The following NCALD variants were observed in gnomAD, a reference collection of about 807,000 sequenced individuals.
The protein encoded by NCALD is neurocalcin delta, also known as neurocalcin-delta.
In NCALD, 10 loss-of-function variants were observed where a neutral mutation model predicts 18.6. That is an observed-to-expected ratio of 0.54 (90% CI 0.33 to 0.91). NCALD has a LOEUF of 0.91. NCALD is among the 40% of genes least tolerant of loss of function. NCALD has a pLI of 0.03. For missense variants in NCALD, 184 were observed against 247.6 expected (o/e 0.74, Z 1.72); for synonymous variants, 88 against 87.4 (o/e 1.01, Z -0.04).
chr8:101,717,586 T>A (rs1586290662), intron 2 of NCALD, among the ~76,000 whole-genome samples: 1 of 152,190 alleles, frequency 6.6e-6, no homozygotes, highest in East Asian at 1.9e-4. Flanking sequence ...CCCCAACTCA[T>A]CACTTTCTAA....
intron 1 of NCALD, among the ~76,000 whole-genome samples, chr8:102,074,793 G>A (rs1824288838): frequency 1.3e-5 from 2 of 152,154 alleles, no homozygotes; most frequent in South Asian, 4.1e-4. Flanking sequence ...TAAAATATAT[G>A]CAATAAACTA....
At chr8:101,913,012 G>T (rs1044017802) in intron 3 of NCALD, among the ~76,000 whole-genome samples, 3 of 152,144 alleles carry the variant, frequency 2.0e-5, no homozygotes, top group African/African-American at 7.2e-5. Flanking sequence ...ATAAAGTGGG[G>T]ACCTCAGTCC....
intron 1 of NCALD, among the ~76,000 whole-genome samples, chr8:102,073,256 G>A (rs1024500841): frequency 2.6e-5 from 4 of 152,098 alleles, no homozygotes; most frequent in African/African-American, 7.2e-5. Flanking sequence ...AGCCAAGATC[G>A]CGTCACTGCA....
intron 1 of NCALD, among the ~76,000 whole-genome samples, chr8:102,029,884 C>T (rs1202193217): frequency 6.6e-6 from 1 of 152,078 alleles, no homozygotes; most frequent in Non-Finnish European, 1.5e-5. Flanking sequence ...TTATATTATT[C>T]CTAAAGTTTA....
At chr8:101,733,066 C>G (rs966837162) in intron 1 of NCALD, among the ~76,000 whole-genome samples, 1 of 152,102 alleles carries the variant, frequency 6.6e-6, no homozygotes, top group Admixed American at 6.5e-5. Flanking sequence ...CCAGAACCAT[C>G]CTCTTCACCC....
At chr8:102,112,439 C>CA (rs531188815) in intron 1 of NCALD, among the ~76,000 whole-genome samples, 86 of 151,494 alleles carry the variant, frequency 5.7e-4, no homozygotes, top group Non-Finnish European at 8.7e-4. Flanking sequence ...TTTTTTATAC[C>CA]AAAAATATCC....
At chr8:101,943,671 T>C (rs892664584) in intron 2 of NCALD, among the ~76,000 whole-genome samples, 1 of 151,018 alleles carries the variant, frequency 6.6e-6, no homozygotes, top group Non-Finnish European at 1.5e-5. Flanking sequence ...CTGGGCGCCG[T>C]AGCTCACGCC....
At chr8:101,767,765 C>A (rs1385559175) in intron 1 of NCALD, among the ~76,000 whole-genome samples, 3 of 152,242 alleles carry the variant, frequency 2.0e-5, no homozygotes, top group East Asian at 1.9e-4. Context: ...ACTTTCCCTG[C>A]ACAATGCTAG....
chr8:101,870,426 A>G (rs543773275), intron 4 of NCALD, among the ~76,000 whole-genome samples: 1 of 152,358 alleles, frequency 6.6e-6, no homozygotes, highest in South Asian at 2.1e-4. Context: ...TTCATATGAA[A>G]CAAATAAACA....
At chr8:101,844,849 C>A (rs1454004427) in intron 4 of NCALD, among the ~76,000 whole-genome samples, 1 of 152,196 alleles carries the variant, frequency 6.6e-6, no homozygotes, top group African/African-American at 2.4e-5. Flanking sequence ...AAAGAGAATA[C>A]TACCCAATTC....
intron 4 of NCALD, among the ~76,000 whole-genome samples, chr8:101,822,399 C>T (rs752110960): frequency 2.0e-5 from 3 of 152,072 alleles, no homozygotes; most frequent in South Asian, 2.1e-4. Flanking sequence ...AGGAGCTGGT[C>T]GATTGCCTGT....
At chr8:102,119,108 A>G (rs1587123002) in intron 1 of NCALD, among the ~76,000 whole-genome samples, 1 of 152,208 alleles carries the variant, frequency 6.6e-6, no homozygotes, top group African/African-American at 2.4e-5. Flanking sequence ...GGAGTTGAAC[A>G]TATCACTGTA....
At chr8:102,098,331 C>A (rs1825170482) in intron 1 of NCALD, among the ~76,000 whole-genome samples, 1 of 152,300 alleles carries the variant, frequency 6.6e-6, no homozygotes, top group Admixed American at 6.5e-5. Context: ...ATTTCCTCCT[C>A]ACCAGGCCCC....
intron 1 of NCALD, among the ~76,000 whole-genome samples, chr8:102,059,978 T>G (rs534254635): frequency 6.6e-6 from 1 of 152,216 alleles, no homozygotes; most frequent in African/African-American, 2.4e-5. Flanking sequence ...TGTTTTTGTT[T>G]TTTTGTTTTT....
At chr8:102,094,430 T>C (rs1296434956) in intron 1 of NCALD, among the ~76,000 whole-genome samples, 3 of 152,220 alleles carry the variant, frequency 2.0e-5, no homozygotes, top group Non-Finnish European at 2.9e-5. Flanking sequence ...AGGGAAGTGA[T>C]CTGCCTAAGG....
chr8:101,933,319 C>A (rs1348207216), intron 2 of NCALD, among the ~76,000 whole-genome samples: 1 of 152,148 alleles, frequency 6.6e-6, no homozygotes, highest in African/African-American at 2.4e-5. Flanking sequence ...CCATCAGAGT[C>A]AGGGGAGAAA....
At chr8:101,905,771 C>A (rs1817592259) in intron 3 of NCALD, among the ~76,000 whole-genome samples, 1 of 152,192 alleles carries the variant, frequency 6.6e-6, no homozygotes, top group Non-Finnish European at 1.5e-5. Flanking sequence ...TTCTCCAATT[C>A]TTTCCCTGTG....
intron 1 of NCALD, among the ~76,000 whole-genome samples, chr8:102,030,804 A>T (rs1276934751): frequency 6.6e-6 from 1 of 152,152 alleles, no homozygotes; most frequent in Non-Finnish European, 1.5e-5. Context: ...TGAACCCACG[A>T]GGTGGAGGTT....
intron 2 of NCALD, among the ~76,000 whole-genome samples, chr8:101,706,031 T>A (rs771263124): frequency 1.3e-5 from 2 of 152,222 alleles, no homozygotes; most frequent in African/African-American, 2.4e-5. Context: ...AGAATGTCTG[T>A]TTAGGAGAGT....
Sources: allele counts gnomAD v4.1 joint callset (sites outside exome capture counted in the v4.1 genomes callset), GRCh38; gene constraint gnomAD v4.1.1; transcripts MANE v1.5; gene names NCBI Gene and HGNC (gene_info 2026-07-23, HGNC 2026-07-21).